DCT: variants seen among roughly 807,000 people sequenced by gnomAD.
The protein encoded by DCT is dopachrome tautomerase, also known as L-dopachrome tautomerase.
DCT carries 47 observed loss-of-function variants against 53.0 expected under a neutral mutation model. The observed-to-expected ratio is 0.89, with a 90% CI of 0.70 to 1.13. DCT has a LOEUF of 1.13. Among genes scored for constraint, DCT ranks in the 50% most tolerant of loss-of-function variants. The probability of loss-of-function intolerance (pLI) is 0.00; values close to 1 mark genes in which losing one functional copy is unlikely to be tolerated. For synonymous variants in DCT, 244 were observed against 237.0 expected (o/e 1.03, Z -0.27); for missense variants, 669 against 637.4 (o/e 1.05, Z -0.53).
chr13:94,520,080 AT>A, the DCT span, among the ~76,000 whole-genome samples: 1 of 152,224 alleles, frequency 6.6e-6, no homozygotes, highest in South Asian at 2.1e-4. Flanking sequence ...TAGCTCCTCA[AT>A]AGCTTTCAGA....
At chr13:94,512,478 T>TA in the DCT span, among the ~76,000 whole-genome samples, 1 of 152,178 alleles carries the variant, frequency 6.6e-6, no homozygotes, top group Non-Finnish European at 1.5e-5. Context: ...TCTTGCCATT[T>TA]AAAAATAAAA....
the DCT span, among the ~76,000 whole-genome samples, chr13:94,511,304 C>G: frequency 6.6e-6 from 1 of 152,188 alleles, no homozygotes; most frequent in Non-Finnish European, 1.5e-5. Flanking sequence ...ACAAACTGCT[C>G]TCTTCCTGGA....
upstream of DCT, among the ~76,000 whole-genome samples, chr13:94,481,040 C>A (rs1417784736): frequency 4.6e-5 from 7 of 152,206 alleles, no homozygotes; most frequent in Non-Finnish European, 1.5e-5. Context: ...ATCCTCCTTG[C>A]CTTTTCAAGC....
chr13:94,446,449 T>A (rs1224719461), intron 6 of DCT, among the ~76,000 whole-genome samples: 2 of 152,318 alleles, frequency 1.3e-5, no homozygotes, highest in Admixed American at 6.5e-5. Flanking sequence ...CATTTAGGAA[T>A]GCATGTGGCA....
the DCT span, among the ~76,000 whole-genome samples, chr13:94,514,641 C>G: frequency 1.3e-5 from 2 of 152,108 alleles, no homozygotes; most frequent in Non-Finnish European, 2.9e-5. Flanking sequence ...GCAAAGGGAC[C>G]AGCAGGAAGA....
chr13:94,445,681 A>G, intron 6 of DCT: 3 of 1,445,476 alleles, frequency 2.1e-6, no homozygotes, highest in Non-Finnish European at 2.9e-6. Context: ...ACAACAAAGG[A>G]AAAAAACCTG....
chr13:94,534,200 G>A, the DCT span, among the ~76,000 whole-genome samples: 277 of 152,082 alleles, frequency 1.8e-3, 1 homozygote, highest in African/African-American at 5.5e-3. Flanking sequence ...ATTTATCTCT[G>A]TTAGTTACCC....
intron 4 of DCT, among the ~76,000 whole-genome samples, chr13:94,464,394 C>A (rs1391615709): frequency 6.6e-6 from 1 of 152,188 alleles, no homozygotes; most frequent in South Asian, 2.1e-4. Context: ...AATCTCAGCA[C>A]TTTGGGAGGC....
At chr13:94,505,063 G>A in the DCT span, among the ~76,000 whole-genome samples, 1 of 151,756 alleles carries the variant, frequency 6.6e-6, no homozygotes, top group Non-Finnish European at 1.5e-5. Context: ...ACTGAAAAAC[G>A]AACAAAAGCC....
the DCT span, among the ~76,000 whole-genome samples, chr13:94,503,968 C>A: frequency 6.6e-6 from 1 of 152,178 alleles, no homozygotes; most frequent in Non-Finnish European, 1.5e-5. Context: ...GTTGGTTGTG[C>A]ATAAGTGAAG....
chr13:94,520,997 A>G, the DCT span, among the ~76,000 whole-genome samples: 3,221 of 152,308 alleles, frequency 0.021, 123 homozygotes, highest in African/African-American at 0.074. Flanking sequence ...GCTGTCAATG[A>G]AGACAAAGGC....
At chr13:94,529,617 A>T in the DCT span, among the ~76,000 whole-genome samples, 3 of 152,238 alleles carry the variant, frequency 2.0e-5, no homozygotes, top group African/African-American at 7.2e-5. Context: ...AACATACCAG[A>T]ATCTCTGGGA....
chr13:94,446,045 G>A (rs1300618293), intron 6 of DCT, among the ~76,000 whole-genome samples: 2 of 152,158 alleles, frequency 1.3e-5, no homozygotes, highest in Non-Finnish European at 2.9e-5. Context: ...CTGGGTGGGA[G>A]GGTAGCTAAG....
rs867983169 is a variant in DCT, at chr13:94,439,987, C to G, written c.1471G>C (p.Ala491Pro). ...CGAAGTCTTCTATATTGAAGAAAAG[C>G]CAACAGCACAAAAAGACCAACCAAA... ...VALVGLFVLL[A>P]FLQYRRLRKG... The change falls in exon 8 of 8, where the codon GCT (alanine) becomes CCT (proline). Residue 491 changes from alanine to proline, a missense_variant. Coordinates refer to ENST00000377028, the MANE Select transcript of DCT (RefSeq NM_001922.5). The G allele has an allele frequency of 1.2e-6, 2 of 1,613,864 alleles. No homozygotes were observed. The highest frequency in any genetic ancestry group is 1.7e-4 in the Middle Eastern group (1 of 6,060).
At chr13:94,499,214 A>G in the DCT span, among the ~76,000 whole-genome samples, 32 of 152,170 alleles carry the variant, frequency 2.1e-4, no homozygotes, top group Non-Finnish European at 4.3e-4. Context: ...CGAGACCACA[A>G]ACCCACCAGA....
the DCT span, among the ~76,000 whole-genome samples, chr13:94,494,769 A>G: frequency 6.6e-6 from 1 of 152,340 alleles, no homozygotes; most frequent in African/African-American, 2.4e-5. Context: ...GTTGATATTT[A>G]TACATTTAAT....
the DCT span, among the ~76,000 whole-genome samples, chr13:94,523,966 A>G: frequency 1.3e-5 from 2 of 152,184 alleles, no homozygotes; most frequent in Non-Finnish European, 2.9e-5. Flanking sequence ...GCAAACGTAT[A>G]TATGACATCT....
At chr13:94,548,187 C>T in the DCT span, among the ~76,000 whole-genome samples, 1 of 151,700 alleles carries the variant, frequency 6.6e-6, no homozygotes, top group Non-Finnish European at 1.5e-5. Context: ...ACAGACATAG[C>T]TTATGCTTAA....
chr13:94,517,540 C>T, the DCT span, among the ~76,000 whole-genome samples: 1 of 152,202 alleles, frequency 6.6e-6, no homozygotes, highest in East Asian at 1.9e-4. Flanking sequence ...CTGTAACAGG[C>T]TGAATAATGA....
Sources: gnomAD v4.1 joint callset for allele counts (sites outside exome capture counted in the v4.1 genomes callset) on GRCh38, gnomAD v4.1.1 for gene constraint, MANE v1.5 for transcripts, NCBI Gene and HGNC (gene_info 2026-07-23, HGNC 2026-07-21) for gene names.